The following LIN54 variants were observed in gnomAD, a reference collection of about 807,000 sequenced individuals.
LIN54 encodes lin-54 DREAM MuvB core complex component.
In LIN54, 9 loss-of-function variants were observed where a neutral mutation model predicts 78.7. That is an observed-to-expected ratio of 0.11 (90% CI 0.07 to 0.20). The LOEUF (loss-of-function observed/expected upper bound fraction) is 0.20. Among genes scored for constraint, LIN54 ranks in the 10% least tolerant of loss-of-function variants. The probability of loss-of-function intolerance (pLI) is 1.00; values close to 1 mark genes in which losing one functional copy is unlikely to be tolerated. For synonymous variants in LIN54, 269 were observed against 318.4 expected (o/e 0.84, Z 1.65); for missense variants, 573 against 889.9 (o/e 0.64, Z 4.53).
At chr4:82,974,953 T>C (rs1438807871) in intron 3 of LIN54, among the ~76,000 whole-genome samples, 4 of 151,934 alleles carry the variant, frequency 2.6e-5, no homozygotes. Context: ...TTTTGTTTAA[T>C]GGGCACAAGA....
chr4:83,004,310 A>G (rs1029764769), intron 1 of LIN54, among the ~76,000 whole-genome samples: 20 of 151,410 alleles, frequency 1.3e-4, no homozygotes, highest in African/African-American at 4.4e-4. Context: ...GAGGCAGGAA[A>G]ATCGCTTGAA....
At chr4:82,942,856 G>A (rs1265637496) in intron 5 of LIN54, among the ~76,000 whole-genome samples, 2 of 147,366 alleles carry the variant, frequency 1.4e-5, no homozygotes, top group Non-Finnish European at 3.0e-5. Context: ...GTGCGTGTGC[G>A]CGCGCACACA....
intron 1 of LIN54, among the ~76,000 whole-genome samples, chr4:83,005,610 G>C (rs1011369370): frequency 7.6e-5 from 11 of 145,268 alleles, no homozygotes; most frequent in African/African-American, 2.3e-4. Flanking sequence ...CAGCGACAGA[G>C]CAAGACTCCA....
chr4:82,973,981 A>T (rs537587639), intron 3 of LIN54, among the ~76,000 whole-genome samples: 7 of 151,798 alleles, frequency 4.6e-5, no homozygotes, highest in Admixed American at 1.3e-4. Context: ...GAGGACAAGG[A>T]GGGTGGATCA....
At chr4:82,975,666 C>T (rs930917468) in intron 3 of LIN54, among the ~76,000 whole-genome samples, 2 of 151,328 alleles carry the variant, frequency 1.3e-5, no homozygotes, top group African/African-American at 2.4e-5. Flanking sequence ...GAGCCGAGAT[C>T]GCGCCATTGC....
chr4:82,927,938 T>G lies in LIN54; in HGVS notation c.*164A>C. The G allele has an allele frequency of 1.6e-6, 1 of 615,974 alleles. No individual in the cohort carries two copies. Among genetic ancestry groups the G allele is most frequent in the East Asian group, 2.8e-5 (1 of 36,346 alleles). 38.2% of individuals were successfully genotyped at this position (615,974 alleles called of 1,614,324 possible). On this transcript the variant is annotated 3_prime_UTR_variant, in exon 13 of 13. Transcript: ENST00000340417. ...GATTTAACTAAGATTTAAAATGTAC[T>G]AATTTCCTCATTTAAAATTTCTTCT... is the stretch of plus-strand genomic sequence containing the variant.
chr4:82,933,772 A>G (rs1272653951), intron 11 of LIN54, among the ~76,000 whole-genome samples: 1 of 152,218 alleles, frequency 6.6e-6, no homozygotes, highest in Non-Finnish European at 1.5e-5. Flanking sequence ...ACACTTTTAA[A>G]CCAGTCCAGT....
intron 4 of LIN54, among the ~76,000 whole-genome samples, chr4:82,949,431 C>T (rs1165014076): frequency 1.3e-5 from 2 of 151,830 alleles, no homozygotes; most frequent in Admixed American, 6.6e-5. Flanking sequence ...GAGTTTCACT[C>T]GGTTGCCCAA....
At chr4:82,952,522 T>G (rs1031653189) in intron 4 of LIN54, among the ~76,000 whole-genome samples, 5 of 152,170 alleles carry the variant, frequency 3.3e-5, no homozygotes, top group Admixed American at 3.3e-4. Context: ...GAATATAAAA[T>G]AGTACACTGT....
intron 4 of LIN54, among the ~76,000 whole-genome samples, chr4:82,963,921 T>G (rs1724999832): frequency 6.6e-6 from 1 of 152,192 alleles, no homozygotes; most frequent in Non-Finnish European, 1.5e-5. Flanking sequence ...TTTGCTAAAT[T>G]TATAATTTAT....
chr4:82,996,247 C>T (rs1424250994), intron 1 of LIN54, among the ~76,000 whole-genome samples: 2 of 152,010 alleles, frequency 1.3e-5, no homozygotes, highest in Non-Finnish European at 2.9e-5. Flanking sequence ...GCAACCTCAT[C>T]GTCACTATGT....
intron 4 of LIN54, among the ~76,000 whole-genome samples, chr4:82,969,057 C>A (rs2126069317): frequency 6.6e-6 from 1 of 152,266 alleles, no homozygotes; most frequent in South Asian, 2.1e-4. Context: ...GAAGTCCAAA[C>A]TCCCCTGAAG....
intron 3 of LIN54, among the ~76,000 whole-genome samples, chr4:82,972,875 G>A (rs912248427): frequency 3.3e-5 from 5 of 151,182 alleles, no homozygotes; most frequent in Non-Finnish European, 7.4e-5. Context: ...CAGCTACTCG[G>A]GAGGCAGAGG....
chr4:82,931,591 T>A (rs1721958308), intron 11 of LIN54, among the ~76,000 whole-genome samples: 2 of 152,198 alleles, frequency 1.3e-5, no homozygotes, highest in Admixed American at 1.3e-4. Flanking sequence ...TATTATTCTA[T>A]TATGCTATTT....
chr4:82,930,189 G>A (rs1017826562), intron 12 of LIN54, among the ~76,000 whole-genome samples: 1 of 152,184 alleles, frequency 6.6e-6, no homozygotes, highest in Non-Finnish European at 1.5e-5. Context: ...GTGAGCCACT[G>A]TGCCTGGCCT....
intron 4 of LIN54, among the ~76,000 whole-genome samples, chr4:82,957,882 G>A (rs151105679): frequency 6.6e-6 from 1 of 152,122 alleles, no homozygotes; most frequent in Non-Finnish European, 1.5e-5. Flanking sequence ...CACAGAAAAT[G>A]CCCCTACCAC....
chr4:82,950,077 C>T (rs1323772949), intron 4 of LIN54, among the ~76,000 whole-genome samples: 2 of 151,906 alleles, frequency 1.3e-5, no homozygotes, highest in Non-Finnish European at 2.9e-5. Flanking sequence ...AACTATTTTA[C>T]AAGTTGTAAA....
chr4:82,963,533 CAT>C (rs1176526211), intron 4 of LIN54, among the ~76,000 whole-genome samples: 1 of 151,974 alleles, frequency 6.6e-6, no homozygotes, highest in African/African-American at 2.4e-5. Flanking sequence ...AACATGTAAA[CAT>C]AAAATGTTTA....
intron 1 of LIN54, among the ~76,000 whole-genome samples, chr4:83,000,827 C>CTTTTTTTTTTTTTTTTTTTTTTTTTTTT (rs1553959274): frequency 8.3e-6 from 1 of 120,540 alleles, no homozygotes; most frequent in Non-Finnish European, 1.6e-5. Context: ...GCAATAAATT[C>CTTTTTTTTTTTTTTTTTTTTTTTTTTTT]TTTTTTTTTT....
Sources: gnomAD v4.1 joint callset for allele counts (sites outside exome capture counted in the v4.1 genomes callset) on GRCh38, gnomAD v4.1.1 for gene constraint, MANE v1.5 for transcripts, NCBI Gene and HGNC (gene_info 2026-07-23, HGNC 2026-07-21) for gene names.